AGBL4: variants seen among roughly 807,000 people sequenced by gnomAD.
AGBL4 encodes the protein cytosolic carboxypeptidase 6.
AGBL4 carries 58 observed loss-of-function variants against 66.4 expected under a neutral mutation model. That is an observed-to-expected ratio of 0.87 (90% CI 0.71 to 1.09). The LOEUF is 1.09. AGBL4 is among the 50% of genes least tolerant of loss of function. The pLI is 0.00. For missense variants in AGBL4, 579 were observed against 631.0 expected, an observed-to-expected ratio of 0.92 and a Z score of 0.88; for synonymous variants, 234 against 222.9, an observed-to-expected ratio of 1.05 and a Z score of -0.44.
Position 49,781,396 on chromosome 1 carries a change from T to C in AGBL4, c.157+70000A>G, listed in dbSNP as rs532360602. ...GAGCAACAGAGCAAGACCCTGTCTCTTAAAAAAACAATATTATTAGAGATA... is the reference window on the plus strand; with the variant it reads ...GAGCAACAGAGCAAGACCCTGTCTCCTAAAAAAACAATATTATTAGAGATA... On this transcript the variant is annotated intron_variant, in intron 2 of 13. Transcript: ENST00000371839. 3.3e-5 allele frequency among the ~76,000 whole-genome samples: 5 copies of C among 152,060 alleles called. No individual in the cohort carries two copies. The South Asian group carries it at 1.0e-3, about 32-fold the overall frequency.
chr1:49,651,264 A>G (rs565594135), intron 3 of AGBL4, among the ~76,000 whole-genome samples: 4 of 152,272 alleles, frequency 2.6e-5, no homozygotes, highest in African/African-American at 7.2e-5. Flanking sequence ...GAACTGGTGC[A>G]GCGCCCCCTA....
intron 5 of AGBL4, among the ~76,000 whole-genome samples, chr1:48,886,132 A>G (rs1558066541): frequency 6.6e-6 from 1 of 152,074 alleles, no homozygotes; most frequent in South Asian, 2.1e-4. Context: ...CTGCCTGAGG[A>G]GGTGGGGAGT....
chr1:49,033,960 C>T (rs914593579), intron 5 of AGBL4, among the ~76,000 whole-genome samples: 1 of 151,968 alleles, frequency 6.6e-6, no homozygotes, highest in Non-Finnish European at 1.5e-5. Flanking sequence ...CCTAGTCCCA[C>T]CCTACCCCTG....
chr1:49,361,768 T>TAC (rs987895495), intron 3 of AGBL4, among the ~76,000 whole-genome samples: 2 of 151,854 alleles, frequency 1.3e-5, no homozygotes, highest in East Asian at 1.9e-4. Flanking sequence ...CACACACACA[T>TAC]ACACACACAC....
At chr1:49,812,455 C>T (rs543465955) in intron 2 of AGBL4, among the ~76,000 whole-genome samples, 6 of 152,280 alleles carry the variant, frequency 3.9e-5, no homozygotes, top group Admixed American at 3.9e-4. Context: ...ATGACATACT[C>T]ACATTTACCT....
intron 7 of AGBL4, among the ~76,000 whole-genome samples, chr1:48,659,301 G>A (rs1646070435): frequency 6.6e-6 from 1 of 152,166 alleles, no homozygotes; most frequent in Admixed American, 6.5e-5. Context: ...GGCTGTGAGA[G>A]GCAAGGACTT....
chr1:49,582,534 TG>T (rs1410234380), intron 3 of AGBL4, among the ~76,000 whole-genome samples: 4 of 152,210 alleles, frequency 2.6e-5, no homozygotes, highest in African/African-American at 9.6e-5. Context: ...GCTCAGTTCC[TG>T]GGGGTTGCCT....
At chr1:48,600,336 T>C (rs1478082590) in intron 9 of AGBL4, among the ~76,000 whole-genome samples, 4 of 152,102 alleles carry the variant, frequency 2.6e-5, no homozygotes, top group Admixed American at 6.5e-5. Context: ...AGGATAATAA[T>C]AACAACATAG....
intron 1 of AGBL4, among the ~76,000 whole-genome samples, chr1:49,884,724 C>A (rs1286853543): frequency 6.6e-6 from 1 of 151,530 alleles, no homozygotes; most frequent in South Asian, 2.1e-4. Flanking sequence ...AGGTCTCATT[C>A]TAATAATGTT....
At chr1:48,829,324 T>C (rs988335692) in intron 6 of AGBL4, among the ~76,000 whole-genome samples, 9 of 152,210 alleles carry the variant, frequency 5.9e-5, no homozygotes, top group African/African-American at 2.2e-4. Flanking sequence ...GCTCCAGAGT[T>C]ACAGCCTATG....
At chr1:48,703,630 A>G (rs1168516991) in intron 6 of AGBL4, among the ~76,000 whole-genome samples, 1 of 152,192 alleles carries the variant, frequency 6.6e-6, no homozygotes, top group African/African-American at 2.4e-5. Context: ...AATAATAATA[A>G]CCAAAAAGAC....
intron 4 of AGBL4, among the ~76,000 whole-genome samples, chr1:49,184,938 T>C (rs1646989548): frequency 6.6e-6 from 1 of 152,172 alleles, no homozygotes; most frequent in South Asian, 2.1e-4. Flanking sequence ...CAGGGCACAA[T>C]TTGTGATGAA....
intron 3 of AGBL4, among the ~76,000 whole-genome samples, chr1:49,599,152 TG>T (rs1644906729): frequency 6.6e-6 from 1 of 152,242 alleles, no homozygotes; most frequent in South Asian, 2.1e-4. Flanking sequence ...CTTGTTCTAT[TG>T]TTTCAAATAG....
intron 2 of AGBL4, among the ~76,000 whole-genome samples, chr1:49,760,951 A>T (rs1652259863): frequency 6.6e-6 from 1 of 152,136 alleles, no homozygotes; most frequent in African/African-American, 2.4e-5. Context: ...GTTTTCCCTC[A>T]TAAGTGGGAC....
intron 6 of AGBL4, among the ~76,000 whole-genome samples, chr1:48,848,990 G>C (rs1400130236): frequency 6.6e-6 from 1 of 152,216 alleles, no homozygotes; most frequent in Admixed American, 6.5e-5. Context: ...ACATGGGGTT[G>C]TTTAAACTTT....
intron 5 of AGBL4, among the ~76,000 whole-genome samples, chr1:49,007,108 CA>C (rs1228233049): frequency 2.4e-5 from 1 of 41,400 alleles, no homozygotes; most frequent in African/African-American, 6.0e-5. Flanking sequence ...AAACCAAAGG[CA>C]AAGAAGTTGA....
At chr1:48,642,155 G>A (rs1645766647) in intron 8 of AGBL4, among the ~76,000 whole-genome samples, 1 of 152,052 alleles carries the variant, frequency 6.6e-6, no homozygotes, top group Admixed American at 6.6e-5. Context: ...TGTACAAACT[G>A]CACATCCATA....
intron 1 of AGBL4, among the ~76,000 whole-genome samples, chr1:49,985,552 T>C (rs1572012663): frequency 6.6e-6 from 1 of 152,164 alleles, no homozygotes; most frequent in Non-Finnish European, 1.5e-5. Context: ...ACTTGAGAAA[T>C]TGATTTGTTG....
At chr1:49,149,892 A>G (rs1183461556) in intron 4 of AGBL4, among the ~76,000 whole-genome samples, 3 of 152,190 alleles carry the variant, frequency 2.0e-5, no homozygotes, top group Admixed American at 1.3e-4. Context: ...TATGCATTTG[A>G]CAACAAAGAA....
Sources: allele counts gnomAD v4.1 joint callset (sites outside exome capture counted in the v4.1 genomes callset), GRCh38; gene constraint gnomAD v4.1.1; transcripts MANE v1.5; gene names NCBI Gene and HGNC (gene_info 2026-07-23, HGNC 2026-07-21).